The following ZNF773 variants were observed in gnomAD, a reference collection of about 807,000 sequenced individuals.
ZNF773 encodes the protein zinc finger protein 773.
ZNF773 carries 11 observed loss-of-function variants against 12.8 expected under a neutral mutation model. The observed-to-expected ratio is 0.86, with a 90% confidence interval of 0.54 to 1.42. The LOEUF (loss-of-function observed/expected upper bound fraction) is 1.42. Among genes scored for constraint, ZNF773 ranks in the 40% most tolerant of loss-of-function variants. The pLI is 0.00. For missense variants in ZNF773, 518 were observed against 527.2 expected (o/e 0.98, Z 0.17); for synonymous variants, 175 against 178.4 (o/e 0.98, Z 0.15).
In ZNF773 at chr19:57,505,332, C is replaced by T. The variant is rs1211439351; in HGVS notation, c.194C>T (p.Thr65Ile). The T allele has an allele frequency of 1.3e-6, 2 of 1,593,934 alleles. No homozygotes were observed. The highest frequency in any genetic ancestry group is 1.4e-5 in the African/African-American group (1 of 74,058). The change falls in exon 3 of 4, where the codon ACC becomes ATC. Residue 65 changes from threonine to isoleucine, a missense_variant. By Grantham distance (89) the Thr-to-Ile change is moderately conservative. Coordinates refer to ENST00000282292, the MANE Select transcript of ZNF773 (RefSeq NM_198542.3). ...GLASSKTHEI[T>I]QLESWEEPFM... is the part of the protein sequence containing the mutation. ...GCATCTTCCAAGACCCATGAAATAA[C>T]CCAGCTGGAGTCATGGGAGGAGCCC...
At position 57,504,783 on chromosome 19, in the gene ZNF773, C is replaced by T. The variant is rs767613203; in HGVS notation, c.160C>T (p.Leu54=). Residue 54 remains leucine (L), a synonymous_variant, in exon 2 of 4, where the codon CTG becomes TTG. Transcript: ENST00000282292. ...GGAGAACTTTACACTTCTGGCCTCT[C>T]TGGGTAAGGTTCTCACACCCCACCC... ...MLENFTLLAS[L]GLASSKTHEI... 10 of 1,613,120 alleles carry T rather than the reference C, an allele frequency of 6.2e-6. No homozygotes were observed. In the African/African-American group the frequency reaches 1.3e-4, roughly 22 times the overall value.
In ZNF773 at chr19:57,508,150, A is replaced by C. The variant is rs2089765794; in HGVS notation, c.*726A>C. 2.1e-6 allele frequency: 1 copy of C among 470,736 alleles called. No homozygotes were observed. Among genetic ancestry groups the C allele is most frequent in the South Asian group, 1.5e-4 (1 of 6,692 alleles). The allele number at this position is 470,736 out of a possible 1,614,324, so 29.2% of individuals were successfully genotyped here. A position where few individuals can be genotyped will look rare whatever the true frequency, so the allele number is the denominator to read the frequency against. ...AGTGAGACTTCGTCTCAAAAAAAAA[A>C]AAAAAAAACAAAAAAAACCCAGAAA... On this transcript the variant is annotated 3_prime_UTR_variant, in exon 4 of 4. Coordinates refer to ENST00000282292, the MANE Select transcript of ZNF773 (RefSeq NM_198542.3).
chr19:57,506,198 G>A (rs1339270166), intron 3 of ZNF773, among the ~76,000 whole-genome samples, 160 bp from the exon 4 acceptor site: 2 of 152,088 alleles, frequency 1.3e-5, no homozygotes, highest in Non-Finnish European at 2.9e-5. Context: ...AGCTAGCCAG[G>A]TTCAGCACTG....
At chr19:57,501,029 G>A (rs2089663822) in intron 1 of ZNF773, among the ~76,000 whole-genome samples, 1 of 152,152 alleles carries the variant, frequency 6.6e-6, no homozygotes, top group Non-Finnish European at 1.5e-5. Flanking sequence ...AGACCGCAGT[G>A]TTGGGTAGTA....
At chr19:57,513,960 G>A (rs1264577400), downstream of ZNF773, 1 of 152,216 alleles carries the variant, frequency 6.6e-6, no homozygotes, top group Non-Finnish European at 1.5e-5. Context: ...TGTGCCTTCT[G>A]TTAATCAAAG....
downstream of ZNF773, among the ~76,000 whole-genome samples, chr19:57,509,997 C>A (rs889487275): frequency 2.6e-5 from 4 of 152,172 alleles, no homozygotes; most frequent in Non-Finnish European, 4.4e-5. Flanking sequence ...AAACTATAGA[C>A]CAATAACCAC....
downstream of ZNF773, chr19:57,516,202 C>T (rs542787222): frequency 1.5e-4 from 23 of 155,936 alleles, no homozygotes; most frequent in South Asian, 1.9e-3. Context: ...GAACAAGGAC[C>T]GACTGGAGTC....
At chr19:57,505,660 T>TG (rs543455905) in intron 3 of ZNF773, among the ~76,000 whole-genome samples, 1 of 151,146 alleles carries the variant, frequency 6.6e-6, no homozygotes, top group African/African-American at 2.4e-5. Context: ...TGTGGTGAGG[T>TG]GGGGCGCTTA....
rs1003004341 is a variant in ZNF773, at chr19:57,507,026, T to A, written c.931T>A (p.Leu311Met). 1 of 1,614,088 alleles carries A rather than the reference T, an allele frequency of 6.2e-7. No homozygotes were observed. Among genetic ancestry groups the A allele is most frequent in the Non-Finnish European group, 8.5e-7 (1 of 1,180,012 alleles). Reference protein sequence around the residue: ...RPYECSECGKLFSFNSSLMKH... With the variant: ...RPYECSECGKMFSFNSSLMKH... Reference sequence around the variant, plus strand: ...TTATGAGTGCAGTGAATGTGGAAAATTGTTTAGTTTCAACTCCAGCCTCAT... The same window carrying A: ...TTATGAGTGCAGTGAATGTGGAAAAATGTTTAGTTTCAACTCCAGCCTCAT... The change falls in exon 4 of 4, where the codon TTG becomes ATG. Residue 311 changes from leucine to methionine, a missense_variant. Coordinates refer to ENST00000282292, the MANE Select transcript of ZNF773 (RefSeq NM_198542.3).
At chr19:57,511,082 C>T (rs1173808530), downstream of ZNF773, among the ~76,000 whole-genome samples, 37 of 144,694 alleles carry the variant, frequency 2.6e-4, no homozygotes, top group African/African-American at 7.6e-4. Flanking sequence ...GACGGAGTTT[C>T]GCTGTCACCC....
downstream of ZNF773, chr19:57,514,527 C>A (rs986193882): frequency 1.3e-5 from 2 of 152,182 alleles, no homozygotes; most frequent in Non-Finnish European, 2.9e-5. Flanking sequence ...GCCACAAAAG[C>A]CTTTGCTTCT....
In ZNF773 at chr19:57,507,698, G is replaced by C; in HGVS notation, c.*274G>C. ...CCTGACTTAAAGCAGAAACAGCCAG[G>C]CGTGGTGGCTGACACCTGTTATTCT... On this transcript the variant is annotated 3_prime_UTR_variant, in exon 4 of 4. Coordinates refer to ENST00000282292, the MANE Select transcript of ZNF773 (RefSeq NM_198542.3). 2.4e-6 allele frequency: 3 copies of C among 1,233,416 alleles called. No individual in the cohort carries two copies. The highest frequency in any genetic ancestry group is 2.0e-6 in the Non-Finnish European group (2 of 988,424). The allele number at this position is 1,233,416 out of a possible 1,614,324, so 76.4% of individuals were successfully genotyped here. A position where few individuals can be genotyped will look rare whatever the true frequency, so the allele number is the denominator to read the frequency against.
intron 1 of ZNF773, among the ~76,000 whole-genome samples, chr19:57,502,255 A>G (rs1279358714): frequency 1.3e-5 from 2 of 152,136 alleles, no homozygotes; most frequent in African/African-American, 2.4e-5. Flanking sequence ...ATTATATGTT[A>G]TATGGAGAGG....
In ZNF773 at chr19:57,504,937, G is replaced by A. The variant is rs2089712242; in HGVS notation, c.163+151G>A. 7.2e-6 allele frequency: 9 copies of A among 1,243,312 alleles called. No individual in the cohort carries two copies. The South Asian group carries it at 1.0e-4, about 14-fold the overall frequency. The allele number at this position is 1,243,312 out of a possible 1,614,324, so 77.0% of individuals were successfully genotyped here. ...GTAGCTATTGTAATAGGCCTGGGCT[G>A]TGTATACTACCACCTTCTCTCCCTG... On this transcript the variant is annotated intron_variant, in intron 2 of 3. Transcript: ENST00000282292.
Position 57,506,457 on chromosome 19 carries a change from G to T in ZNF773, c.362G>T (p.Gly121Val). Residue 121 changes from glycine (G) to valine (V), a missense_variant, in exon 4 of 4, where the codon GGA becomes GTA. Physicochemically the swap from Gly to Val is moderately radical, Grantham distance 109. Coordinates refer to ENST00000282292, the MANE Select transcript of ZNF773 (RefSeq NM_198542.3). Reference sequence around the variant, plus strand: ...CAGCAACACCAGAAGCAGCACTGTGGAGAGAAACCCTTAAAAAGACAAGAG... The same window carrying T: ...CAGCAACACCAGAAGCAGCACTGTGTAGAGAAACCCTTAAAAAGACAAGAG... ...NVQQHQKQHCGEKPLKRQEGR... is the reference protein window; with the variant it reads ...NVQQHQKQHCVEKPLKRQEGR... 1.2e-6 allele frequency: 2 copies of T among 1,614,200 alleles called. No homozygotes were observed. Among genetic ancestry groups the T allele is most frequent in the Non-Finnish European group, 1.7e-6 (2 of 1,180,038 alleles).
At position 57,506,700 on chromosome 19, in the gene ZNF773, A is replaced by G. The variant is rs761453201; in HGVS notation, c.605A>G (p.Gln202Arg). The G allele has an allele frequency of 1.2e-6, 2 of 1,614,272 alleles. No homozygotes were observed. Among genetic ancestry groups the G allele is most frequent in the Non-Finnish European group, 8.5e-7 (1 of 1,180,048 alleles). ...KCSECGKAFGQKYLLVQHQRL... is the reference protein window; with the variant it reads ...KCSECGKAFGRKYLLVQHQRL... The stretch of plus-strand genomic sequence containing the variant: ...AGTGAATGTGGGAAAGCCTTTGGTC[A>G]GAAATATTTACTTGTTCAGCACCAG... The change falls in exon 4 of 4, where the codon CAG becomes CGG. Residue 202 changes from glutamine (Q) to arginine (R), a missense_variant. Physicochemically the swap from Gln to Arg is conservative, Grantham distance 43 (BLOSUM62 1). Coordinates refer to ENST00000282292, the MANE Select transcript of ZNF773 (RefSeq NM_198542.3).
At chr19:57,500,707 T>C (rs1375858386) in intron 1 of ZNF773, among the ~76,000 whole-genome samples, 1 of 152,128 alleles carries the variant, frequency 6.6e-6, no homozygotes, top group Non-Finnish European at 1.5e-5. Flanking sequence ...TGTATTTTTG[T>C]TTGTTCCTGA....
intron 3 of ZNF773, among the ~76,000 whole-genome samples, chr19:57,505,960 T>C (rs1245748829): frequency 1.3e-5 from 2 of 152,130 alleles, no homozygotes; most frequent in African/African-American, 4.8e-5. Flanking sequence ...CTGCCCGCCT[T>C]GGCCTCCGAA....
downstream of ZNF773, among the ~76,000 whole-genome samples, chr19:57,510,871 T>C (rs2089788664): frequency 1.3e-5 from 2 of 151,294 alleles, no homozygotes; most frequent in Admixed American, 1.3e-4. Flanking sequence ...AGTTCCTGAA[T>C]CTGAGATTTA....
Sources: allele counts gnomAD v4.1 joint callset (sites outside exome capture counted in the v4.1 genomes callset), GRCh38; gene constraint gnomAD v4.1.1; transcripts MANE v1.5; gene names NCBI Gene and HGNC (gene_info 2026-07-23, HGNC 2026-07-21).